LARGE1: variants seen among roughly 807,000 people sequenced by gnomAD.
LARGE1 encodes the protein xylosyl- and glucuronyltransferase LARGE1.
A neutral mutation model predicts 87.6 loss-of-function variants in LARGE1; 43 were observed. The observed-to-expected ratio is 0.49, with a 90% CI of 0.38 to 0.63. The LOEUF (loss-of-function observed/expected upper bound fraction) is 0.63. Ranked by LOEUF, LARGE1 falls within the 30% of genes least tolerant of loss-of-function variation. The probability of loss-of-function intolerance (pLI) is 0.00; values close to 1 mark genes in which losing one functional copy is unlikely to be tolerated. For synonymous variants in LARGE1, 434 were observed against 394.6 expected, an observed-to-expected ratio of 1.10 and a Z score of -1.18; for missense variants, 802 against 1,000.2, an observed-to-expected ratio of 0.80 and a Z score of 2.67.
intron 9 of LARGE1, among the ~76,000 whole-genome samples, chr22:33,364,175 C>T (rs2064496120): frequency 6.6e-6 from 1 of 152,142 alleles, no homozygotes; most frequent in Non-Finnish European, 1.5e-5. Context: ...CTGCCTCAGC[C>T]TCCCGAGTAG....
At chr22:33,084,466 C>T in the LARGE1 span, among the ~76,000 whole-genome samples, 1 of 151,350 alleles carries the variant, frequency 6.6e-6, no homozygotes. Context: ...TGAGACCAGC[C>T]TGGACAACAT....
chr22:33,506,453 T>A (rs1429124431), intron 6 of LARGE1, among the ~76,000 whole-genome samples: 5 of 152,104 alleles, frequency 3.3e-5, no homozygotes, highest in Admixed American at 6.5e-5. Context: ...GAACCCAGCA[T>A]GTACAATTCC....
intron 6 of LARGE1, among the ~76,000 whole-genome samples, chr22:33,549,323 G>A (rs184242733): frequency 5.3e-5 from 8 of 152,292 alleles, no homozygotes; most frequent in East Asian, 3.9e-4. Flanking sequence ...AAAAAGTTGT[G>A]TCTTCTTGAT....
rs1183346051 is a variant in LARGE1, at chr22:33,614,974, T to G, written c.492-10416A>C. On this transcript the variant is annotated intron_variant, in intron 4 of 14. Transcript: ENST00000397394. ...CGCCTTTTCCTGGACCATCTACGCT[T>G]CACCCCGCTAACTGCGTCTGGCCTT... Among the ~76,000 whole-genome samples, 5 of 152,324 alleles carry G rather than the reference T, an allele frequency of 3.3e-5. No homozygotes were observed. The East Asian group carries it at 9.6e-4, about 29-fold the overall frequency.
intron 11 of LARGE1, among the ~76,000 whole-genome samples, chr22:33,258,349 G>A (rs752769410): frequency 6.6e-6 from 1 of 152,144 alleles, no homozygotes; most frequent in Non-Finnish European, 1.5e-5. Context: ...GCATTCTTGA[G>A]GGAAAGATGC....
chr22:33,113,849 C>T, the LARGE1 span, among the ~76,000 whole-genome samples: 1 of 151,336 alleles, frequency 6.6e-6, no homozygotes, highest in African/African-American at 2.4e-5. Flanking sequence ...TGCCTCAGCT[C>T]CTCTTCTGAA....
intron 7 of LARGE1, among the ~76,000 whole-genome samples, chr22:33,395,531 C>A (rs2065709292): frequency 6.6e-6 from 1 of 152,174 alleles, no homozygotes; most frequent in African/African-American, 2.4e-5. Context: ...AAGGGGAATG[C>A]CTTAAGCTTG....
intron 6 of LARGE1, among the ~76,000 whole-genome samples, chr22:33,522,561 G>A (rs539173217): frequency 3.2e-4 from 49 of 152,154 alleles, no homozygotes; most frequent in South Asian, 2.5e-3. Flanking sequence ...GGCCAGGTGC[G>A]GTGGCTGATG....
At chr22:33,389,268 T>A (rs1266797755) in intron 7 of LARGE1, among the ~76,000 whole-genome samples, 1 of 152,236 alleles carries the variant, frequency 6.6e-6, no homozygotes, top group Admixed American at 6.5e-5. Context: ...GAGCCTCGTA[T>A]CTATGCAACA....
At chr22:33,357,034 G>T (rs1195318493) in intron 9 of LARGE1, among the ~76,000 whole-genome samples, 1 of 152,126 alleles carries the variant, frequency 6.6e-6, no homozygotes, top group Non-Finnish European at 1.5e-5. Context: ...CAAAGGAAAA[G>T]AAATCATTGT....
chr22:33,412,122 A>G (rs2147454752), intron 7 of LARGE1, among the ~76,000 whole-genome samples: 2 of 152,252 alleles, frequency 1.3e-5, no homozygotes, highest in South Asian at 4.1e-4. Flanking sequence ...CGTCTCTACT[A>G]AAAGTACAAA....
chr22:33,353,014 T>A (rs1356341107), intron 9 of LARGE1, among the ~76,000 whole-genome samples: 1 of 152,196 alleles, frequency 6.6e-6, no homozygotes, highest in Admixed American at 6.5e-5. Context: ...CTTAGCTACA[T>A]TACAAAGTAG....
rs146399937 is a variant in LARGE1, at chr22:33,912,327, A to G, written c.-83+7668T>C. Among the ~76,000 whole-genome samples, 196 of 152,252 alleles carry G rather than the reference A, an allele frequency of 1.3e-3. 1 individual carries two copies. Among genetic ancestry groups the G allele is most frequent in the African/African-American group, 4.5e-3 (189 of 41,546 alleles). On this transcript the variant is annotated intron_variant, in intron 1 of 14. Coordinates refer to ENST00000397394, the MANE Select transcript of LARGE1 (RefSeq NM_133642.5). ...CGCAGCAATCCCTAACCACAGAATA[A>G]CACTCAAGAGCCCAAGATTCCCTTC...
chr22:33,253,864 C>A (rs1045552579), intron 11 of LARGE1, among the ~76,000 whole-genome samples: 6 of 151,836 alleles, frequency 4.0e-5, no homozygotes, highest in Admixed American at 3.9e-4. Flanking sequence ...GTGGGTATGA[C>A]CAACACTGGT....
rs544494880 is a variant in LARGE1 at position 33,372,431 on chromosome 22, A to G, written c.1131+9488T>C. 1.3e-3 allele frequency among the ~76,000 whole-genome samples: 196 copies of G among 152,340 alleles called. 1 individual carries two copies. Among genetic ancestry groups the G allele is most frequent in the African/African-American group, 4.6e-3 (190 of 41,578 alleles). ...GACTGGGTAATTTATAAAGAAAAAG[A>G]GGTTTAAGGGACTCACAGTTCCACG... On this transcript the variant is annotated intron_variant, in intron 9 of 14. Transcript: ENST00000397394.
intron 11 of LARGE1, among the ~76,000 whole-genome samples, chr22:33,244,891 C>T (rs948720771): frequency 6.6e-6 from 1 of 152,046 alleles, no homozygotes; most frequent in African/African-American, 2.4e-5. Flanking sequence ...AAAACAACAG[C>T]CCCTGCCCTC....
chr22:33,471,523 A>G (rs1408691607), intron 6 of LARGE1, among the ~76,000 whole-genome samples: 4 of 152,024 alleles, frequency 2.6e-5, no homozygotes, highest in African/African-American at 4.8e-5. Context: ...CTCTCTCATC[A>G]TGAATTTTTT....
intron 2 of LARGE1, among the ~76,000 whole-genome samples, chr22:33,655,044 AG>A (rs754999331): frequency 4.6e-5 from 7 of 152,242 alleles, no homozygotes; most frequent in Non-Finnish European, 8.8e-5. Flanking sequence ...TAAAATGCTT[AG>A]TCTCAAGTTC....
intron 3 of LARGE1, among the ~76,000 whole-genome samples, chr22:33,642,710 CAAAAAAAAAAAA>C (rs60815644): frequency 5.8e-5 from 1 of 17,352 alleles, no homozygotes; most frequent in Admixed American, 9.6e-4. Context: ...AAATGGAAAG[CAAAAAAAAAAAA>C]AAAAAAAAAA....
Sources: gnomAD v4.1 joint callset for allele counts (sites outside exome capture counted in the v4.1 genomes callset) on GRCh38, gnomAD v4.1.1 for gene constraint, MANE v1.5 for transcripts, NCBI Gene and HGNC (gene_info 2026-07-23, HGNC 2026-07-21) for gene names.